UTRN: variants seen among roughly 807,000 people sequenced by gnomAD.
The protein encoded by UTRN is dystrophin-related protein 1.
UTRN carries 283 observed loss-of-function variants against 463.9 expected under a neutral mutation model. That is an observed-to-expected ratio of 0.61 (90% CI 0.55 to 0.67). The LOEUF (loss-of-function observed/expected upper bound fraction) is 0.67, where lower values mean the gene tolerates loss of function less well. UTRN is among the 30% of genes least tolerant of loss of function. The pLI, the probability that UTRN is intolerant of heterozygous loss-of-function variation, is 0.00. For synonymous variants in UTRN, 1,442 were observed against 1,431.5 expected, an observed-to-expected ratio of 1.01 and a Z score of -0.17; for missense variants, 3,922 against 4,084.3, an observed-to-expected ratio of 0.96 and a Z score of 1.08.
At chr6:144,668,730 C>G (rs1780683323) in intron 51 of UTRN, among the ~76,000 whole-genome samples, 1 of 152,074 alleles carries the variant, frequency 6.6e-6, no homozygotes, top group Non-Finnish European at 1.5e-5. Flanking sequence ...AGAGCTCCAC[C>G]CATGACCTTA....
intron 51 of UTRN, among the ~76,000 whole-genome samples, chr6:144,630,325 T>C (rs1195426913): frequency 1.3e-5 from 2 of 152,244 alleles, no homozygotes; most frequent in Non-Finnish European, 1.5e-5. Context: ...TATTAGCCTG[T>C]TCTCACCCTG....
chr6:144,316,097 C>T (rs1488121054), intron 2 of UTRN, among the ~76,000 whole-genome samples: 1 of 152,154 alleles, frequency 6.6e-6, no homozygotes, highest in Admixed American at 6.5e-5. Flanking sequence ...ACGTCTGTAA[C>T]CCCACACTCT....
At chr6:144,805,604 A>T in intron 65 of UTRN, among the ~76,000 whole-genome samples, 1 of 152,228 alleles carries the variant, frequency 6.6e-6, no homozygotes, top group East Asian at 1.9e-4. Context: ...TGGTTACACA[A>T]CTGGAAGTGC....
intron 11 of UTRN, among the ~76,000 whole-genome samples, chr6:144,438,513 G>T (rs559128367): frequency 1.3e-5 from 2 of 152,296 alleles, no homozygotes; most frequent in South Asian, 4.1e-4. Flanking sequence ...CAATGATTCT[G>T]ATATGAATAC....
At chr6:144,772,021 T>TTTG in intron 59 of UTRN, 53 bp downstream of exon 59, 1 of 536,582 alleles carries the variant, frequency 1.9e-6, no homozygotes, top group Non-Finnish European at 2.3e-6. Context: ...AACCGGTTTT[T>TTTG]TTTTTTTTTT....
chr6:144,436,531 A>G (rs1421713501), intron 10 of UTRN, among the ~76,000 whole-genome samples: 1 of 152,048 alleles, frequency 6.6e-6, no homozygotes, highest in Non-Finnish European at 1.5e-5. Flanking sequence ...TGTCATACCC[A>G]GGGTTCCTGT....
intron 54 of UTRN, among the ~76,000 whole-genome samples, chr6:144,737,272 A>C (rs1789525341): frequency 6.6e-6 from 1 of 152,210 alleles, no homozygotes. Context: ...CGACTGTATG[A>C]ACTTGATGTC....
At chr6:144,532,546 C>G (rs1479671282) in intron 42 of UTRN, among the ~76,000 whole-genome samples, 3 of 152,318 alleles carry the variant, frequency 2.0e-5, no homozygotes, top group African/African-American at 4.8e-5. Flanking sequence ...CACTGGGTCC[C>G]TCCCTTGGCA....
At chr6:144,720,705 C>T (rs1211203732) in intron 53 of UTRN, among the ~76,000 whole-genome samples, 2 of 152,142 alleles carry the variant, frequency 1.3e-5, no homozygotes, top group Non-Finnish European at 2.9e-5. Flanking sequence ...AGTTGCTTTC[C>T]ACCTTATTAC....
chr6:144,604,863 C>T (rs928042766), intron 51 of UTRN, among the ~76,000 whole-genome samples: 1 of 151,738 alleles, frequency 6.6e-6, no homozygotes, highest in African/African-American at 2.4e-5. Flanking sequence ...TGCAGTGAGC[C>T]GAGATTGCAC....
At chr6:144,684,407 A>G (rs781686295) in intron 52 of UTRN, among the ~76,000 whole-genome samples, 1 of 152,104 alleles carries the variant, frequency 6.6e-6, no homozygotes, top group Non-Finnish European at 1.5e-5. Flanking sequence ...GCCAATATCC[A>G]TATTCACAAC....
At chr6:144,475,174 A>G (rs891162861) in intron 25 of UTRN, among the ~76,000 whole-genome samples, 8 of 152,252 alleles carry the variant, frequency 5.3e-5, no homozygotes, top group African/African-American at 1.9e-4. Flanking sequence ...AGGCAGATGG[A>G]TAATGAATAA....
At chr6:144,389,800 T>C (rs1781751603) in intron 2 of UTRN, among the ~76,000 whole-genome samples, 1 of 152,188 alleles carries the variant, frequency 6.6e-6, no homozygotes, top group East Asian at 1.9e-4. Context: ...GGTTTTACCA[T>C]GTTGGCCAGG....
chr6:144,378,713 G>A lies in UTRN; in HGVS notation c.80-24410G>A, dbSNP rs577543507. ...CATAGGAGTGGTCAGATGATTCAGG[G>A]CCATATGAACCATGTTAATTTAGTT... is the stretch of plus-strand genomic sequence containing the variant. On this transcript the variant is annotated intron_variant, in intron 2 of 74. Transcript: ENST00000367545. 2.6e-5 allele frequency among the ~76,000 whole-genome samples: 4 copies of A among 152,246 alleles called. No individual in the cohort carries two copies. In the East Asian group the frequency reaches 5.8e-4, roughly 22 times the overall value.
rs775684054 is a variant in UTRN, at chr6:144,491,051, T to C, written c.4386T>C (p.Asp1462=). The change falls in exon 32 of 75, where the codon GAT becomes GAC. Residue 1462 remains aspartate, a synonymous_variant. Coordinates refer to ENST00000367545, the MANE Select transcript of UTRN (RefSeq NM_007124.3). ...DGVKAELHVL[D]VKDVDPDVIQ... is the part of the protein sequence containing the mutation. ...TGAAAGCAGAACTTCACGTTCTGGA[T>C]GTGAAGGACGTAGACCCTGACGTCA... 23 of 1,613,876 alleles carry C rather than the reference T, an allele frequency of 1.4e-5. No individual in the cohort carries two copies. Among genetic ancestry groups the C allele is most frequent in the Non-Finnish European group, 1.9e-5 (23 of 1,179,984 alleles).
intron 51 of UTRN, among the ~76,000 whole-genome samples, chr6:144,606,978 C>A (rs571377822): frequency 2.0e-5 from 3 of 152,140 alleles, no homozygotes; most frequent in Non-Finnish European, 4.4e-5. Context: ...TGTCCTTGGC[C>A]TCATTGTACA....
chr6:144,486,775 C>T (rs143138734), intron 28 of UTRN, among the ~76,000 whole-genome samples: 4 of 152,270 alleles, frequency 2.6e-5, no homozygotes, highest in Non-Finnish European at 4.4e-5. Flanking sequence ...CCGCTTCGGC[C>T]TCCCAATGTG....
chr6:144,526,097 C>T (rs1427650584), intron 41 of UTRN, among the ~76,000 whole-genome samples: 1 of 152,120 alleles, frequency 6.6e-6, no homozygotes, highest in African/African-American at 2.4e-5. Flanking sequence ...TGTTTTGTGG[C>T]TTATCACATG....
intron 3 of UTRN, among the ~76,000 whole-genome samples, chr6:144,409,068 T>C (rs1783659827): frequency 6.6e-6 from 1 of 152,230 alleles, no homozygotes; most frequent in South Asian, 2.1e-4. Flanking sequence ...AATGTGAATT[T>C]GTGTCTATTC....
Sources: allele counts gnomAD v4.1 joint callset (sites outside exome capture counted in the v4.1 genomes callset), GRCh38; gene constraint gnomAD v4.1.1; transcripts MANE v1.5; gene names NCBI Gene and HGNC (gene_info 2026-07-23, HGNC 2026-07-21).